Variants in GPM6B observed in about 807,000 individuals in gnomAD.
GPM6B encodes neuronal membrane glycoprotein M6-b.
Under a neutral mutation model 27.2 loss-of-function variants are expected in GPM6B, and 4 were observed. The observed-to-expected ratio is 0.15, with a 90% CI of 0.07 to 0.34. The LOEUF (loss-of-function observed/expected upper bound fraction) is 0.34. Ranked by LOEUF, GPM6B falls within the 10% of genes least tolerant of loss-of-function variation. GPM6B has a pLI of 1.00. For missense variants in GPM6B, 183 were observed against 261.9 expected (o/e 0.70, Z 2.08); for synonymous variants, 124 against 103.1 (o/e 1.20, Z -1.23).
At chrX:13,930,889 A>G (rs1238930419) in intron 1 of GPM6B, among the ~76,000 whole-genome samples, 1 of 112,209 alleles carries the variant, frequency 8.9e-6, no homozygotes, top group East Asian at 2.8e-4. Context: ...CAAATATTTA[A>G]GGAAAAAAAA....
At chrX:13,825,207 T>TG (rs1366790091) in intron 1 of GPM6B, among the ~76,000 whole-genome samples, 1 of 109,776 alleles carries the variant, frequency 9.1e-6, no homozygotes, top group Non-Finnish European at 1.9e-5. Flanking sequence ...TTGAGGGGGG[T>TG]GGGGGACACA....
intron 1 of GPM6B, among the ~76,000 whole-genome samples, chrX:13,865,932 A>G (rs1359037776): frequency 2.7e-5 from 3 of 111,300 alleles, no homozygotes; most frequent in Non-Finnish European, 5.6e-5. Context: ...AGTGAAATAA[A>G]TAAGCCAGGC....
intron 1 of GPM6B, among the ~76,000 whole-genome samples, chrX:13,811,686 A>G (rs945490357): frequency 2.7e-5 from 3 of 112,301 alleles, no homozygotes; most frequent in African/African-American, 9.7e-5. Context: ...AATACTTACT[A>G]TCTGACCTTT....
At chrX:13,857,739 A>G (rs1162897974) in intron 1 of GPM6B, among the ~76,000 whole-genome samples, 1 of 112,694 alleles carries the variant, frequency 8.9e-6, no homozygotes, top group East Asian at 2.8e-4. Flanking sequence ...GAAATTGCCT[A>G]ATTTCATTAT....
At chrX:13,931,556 C>A (rs1220011095) in intron 1 of GPM6B, among the ~76,000 whole-genome samples, 1 of 110,893 alleles carries the variant, frequency 9.0e-6, no homozygotes, top group Non-Finnish European at 1.9e-5. Flanking sequence ...AATAAATAGA[C>A]ATGGAAGTTG....
At chrX:13,777,447 G>A in intron 5 of GPM6B, 22 bp from the exon 6 acceptor site, 1 of 1,064,649 alleles carries the variant, frequency 9.4e-7, no homozygotes, top group Non-Finnish European at 1.3e-6. Flanking sequence ...ACCCCAATAG[G>A]ATGTTAGTAC....
intron 1 of GPM6B, among the ~76,000 whole-genome samples, chrX:13,870,337 G>A (rs1011652698): frequency 1.8e-5 from 2 of 112,444 alleles, no homozygotes; most frequent in Non-Finnish European, 3.8e-5. Flanking sequence ...AGGCAATGAT[G>A]TTCATTCCTG....
At chrX:13,812,439 G>A (rs1048217253) in intron 1 of GPM6B, among the ~76,000 whole-genome samples, 5 of 111,449 alleles carry the variant, frequency 4.5e-5, no homozygotes, top group Non-Finnish European at 5.6e-5. Context: ...AAAAACAGTC[G>A]GTGTGGTCAC....
At position 13,772,807 on chromosome X, in the gene GPM6B, TC is replaced by T; in HGVS notation, c.*73del. 15 of 1,002,647 alleles carry T rather than the reference TC, an allele frequency of 1.5e-5. No homozygotes were observed. The highest frequency in any genetic ancestry group is 2.1e-5 in the Non-Finnish European group (15 of 717,040). 82.6% of individuals were successfully genotyped at this position (1,002,647 alleles called of 1,213,427 possible). A position where few individuals can be genotyped will look rare whatever the true frequency, so the allele number is the denominator to read the frequency against. ...CTACATTAGTTTGGTGGGATACACA[TC>T]TGTACTGCAGAGCAGCTGTCTGATG... On this transcript the variant is annotated 3_prime_UTR_variant, in exon 8 of 8. Transcript: ENST00000316715.
At chrX:13,879,751 A>C (rs981772510) in intron 1 of GPM6B, among the ~76,000 whole-genome samples, 1 of 112,005 alleles carries the variant, frequency 8.9e-6, no homozygotes, top group African/African-American at 3.2e-5. Flanking sequence ...TAGCAGCAAA[A>C]AACAGGGATT....
chrX:13,822,646 G>T (rs1342016738), intron 1 of GPM6B, among the ~76,000 whole-genome samples: 3 of 109,991 alleles, frequency 2.7e-5, no homozygotes, highest in Non-Finnish European at 5.7e-5. Flanking sequence ...AAAGTGCTGG[G>T]ATTACAGACA....
chrX:13,828,511 T>C (rs775989457), intron 1 of GPM6B, among the ~76,000 whole-genome samples: 2 of 111,923 alleles, frequency 1.8e-5, no homozygotes, highest in East Asian at 5.6e-4. Context: ...CTTTGTAAGT[T>C]TCCCAATTTC....
upstream of GPM6B, chrX:13,817,099 C>G: frequency 2.0e-6 from 2 of 992,539 alleles, no homozygotes; most frequent in Non-Finnish European, 2.5e-6. Flanking sequence ...GCTCTGCCTA[C>G]TGGTCCATAA....
At chrX:13,924,615 C>A (rs997658545) in intron 1 of GPM6B, among the ~76,000 whole-genome samples, 1 of 111,975 alleles carries the variant, frequency 8.9e-6, no homozygotes, top group Non-Finnish European at 1.9e-5. Context: ...CCACCTTCAA[C>A]GGAAGGATAT....
intron 1 of GPM6B, among the ~76,000 whole-genome samples, chrX:13,867,296 G>GCAAAAA (rs2049930443): frequency 1.8e-5 from 2 of 111,255 alleles, no homozygotes; most frequent in South Asian, 7.7e-4. Context: ...CTTCTGTAGA[G>GCAAAAA]ATGGGGTTTT....
chrX:13,779,338 ATGT>A (rs755809117), intron 5 of GPM6B, among the ~76,000 whole-genome samples: 1 of 112,504 alleles, frequency 8.9e-6, no homozygotes, highest in Non-Finnish European at 1.9e-5. Context: ...GCTGGATCTA[ATGT>A]TGTATTTTTC....
At chrX:13,915,685 C>T (rs186173447) in intron 1 of GPM6B, among the ~76,000 whole-genome samples, 66 of 112,361 alleles carry the variant, frequency 5.9e-4, no homozygotes, top group African/African-American at 2.1e-3. Context: ...TTTTTTTGCG[C>T]GTATATATGT....
intron 1 of GPM6B, among the ~76,000 whole-genome samples, chrX:13,875,406 G>A (rs973561737): frequency 1.8e-5 from 2 of 111,768 alleles, no homozygotes; most frequent in Non-Finnish European, 3.8e-5. Context: ...ACATAGGTTT[G>A]AAAGAGAACA....
intron 1 of GPM6B, among the ~76,000 whole-genome samples, chrX:13,856,807 C>T (rs1242874681): frequency 9.2e-6 from 1 of 109,161 alleles, no homozygotes; most frequent in African/African-American, 3.4e-5. Context: ...TCATGCAATC[C>T]CCCTGCCGCA....
Sources: allele counts gnomAD v4.1 joint callset (sites outside exome capture counted in the v4.1 genomes callset), GRCh38; gene constraint gnomAD v4.1.1; transcripts MANE v1.5; gene names NCBI Gene and HGNC (gene_info 2026-07-23, HGNC 2026-07-21).